CFAP299: variants seen among roughly 807,000 people sequenced by gnomAD.
CFAP299 encodes the protein cilia and flagella associated protein 299.
CFAP299 carries 21 observed loss-of-function variants against 27.0 expected under a neutral mutation model. That is an observed-to-expected ratio of 0.78 (90% CI 0.55 to 1.12). CFAP299 has a LOEUF of 1.12. Among genes scored for constraint, CFAP299 ranks in the 50% most tolerant of loss-of-function variants. CFAP299 has a pLI of 0.00. For synonymous variants in CFAP299, 104 were observed against 98.1 expected (o/e 1.06, Z -0.36); for missense variants, 310 against 276.6 (o/e 1.12, Z -0.86).
At chr4:80,703,348 T>G (rs901391399) in intron 3 of CFAP299, among the ~76,000 whole-genome samples, 1 of 151,740 alleles carries the variant, frequency 6.6e-6, no homozygotes, top group African/African-American at 2.4e-5. Flanking sequence ...CCCTAGATTA[T>G]CGAAATGACA....
intron 3 of CFAP299, among the ~76,000 whole-genome samples, chr4:80,824,641 T>G (rs927546843): frequency 6.6e-6 from 1 of 152,114 alleles, no homozygotes; most frequent in South Asian, 2.1e-4. Context: ...AGAAAGTCAC[T>G]GCACATGGTC....
rs190126587 is a variant in CFAP299 at position 80,862,827 on chromosome 4, G to A, written c.334-7166G>A. On this transcript the variant is annotated intron_variant, in intron 3 of 5. Transcript: ENST00000358105. ...TATATATATATGTAAAACTGCGATT[G>A]ACTGAGATAATATAGAATTTAAAAA... Among the ~76,000 whole-genome samples the A allele has an allele frequency of 3.8e-3, 585 of 152,178 alleles. 1 individual carries two copies. Among genetic ancestry groups the A allele is most frequent in the Middle Eastern group, 0.014 (4 of 294 alleles).
chr4:80,479,099 C>T (rs543729688), intron 2 of CFAP299, among the ~76,000 whole-genome samples: 27 of 151,942 alleles, frequency 1.8e-4, no homozygotes, highest in Admixed American at 6.6e-4. Flanking sequence ...TTTATTCTAG[C>T]AAAGTGAAAC....
chr4:80,507,567 A>G (rs546222269), intron 2 of CFAP299, among the ~76,000 whole-genome samples: 1 of 152,174 alleles, frequency 6.6e-6, no homozygotes, highest in African/African-American at 2.4e-5. Flanking sequence ...ATTGAAATCT[A>G]ATCTATCATC....
intron 3 of CFAP299, among the ~76,000 whole-genome samples, chr4:80,707,771 G>T (rs952779903): frequency 6.6e-6 from 1 of 152,026 alleles, no homozygotes; most frequent in African/African-American, 2.4e-5. Context: ...CAACTTCAAT[G>T]AGTGATTTAT....
intron 2 of CFAP299, among the ~76,000 whole-genome samples, chr4:80,581,932 G>A (rs1736196277): frequency 6.6e-6 from 1 of 151,826 alleles, no homozygotes; most frequent in African/African-American, 2.4e-5. Context: ...GTAAGAATGA[G>A]TTCTAAGACC....
At chr4:80,326,942 A>AT in the CFAP299 span, among the ~76,000 whole-genome samples, 1 of 152,032 alleles carries the variant, frequency 6.6e-6, no homozygotes, top group Non-Finnish European at 1.5e-5. Context: ...TAAAACTTGC[A>AT]TTTTTTTCAT....
intron 3 of CFAP299, among the ~76,000 whole-genome samples, chr4:80,725,527 C>T (rs1723107152): frequency 6.6e-6 from 1 of 152,138 alleles, no homozygotes; most frequent in South Asian, 2.1e-4. Context: ...AGGTGAATCT[C>T]ACCATGGGGG....
intron 3 of CFAP299, among the ~76,000 whole-genome samples, chr4:80,622,923 A>C (rs1033329825): frequency 6.6e-6 from 1 of 152,190 alleles, no homozygotes; most frequent in African/African-American, 2.4e-5. Flanking sequence ...GGAGGTTAGC[A>C]TTATATTTGT....
intron 5 of CFAP299, among the ~76,000 whole-genome samples, chr4:80,960,778 A>G (rs1052452113): frequency 2.6e-5 from 4 of 151,892 alleles, no homozygotes; most frequent in East Asian, 1.9e-4. Context: ...AGAATTGCCA[A>G]TCTTCCACAA....
intron 4 of CFAP299, among the ~76,000 whole-genome samples, chr4:80,941,227 A>T (rs1737179085): frequency 6.6e-6 from 1 of 152,200 alleles, no homozygotes; most frequent in Non-Finnish European, 1.5e-5. Context: ...ATTTTTTCCC[A>T]AATATTTTTA....
At chr4:80,888,484 A>G (rs946526501) in intron 4 of CFAP299, among the ~76,000 whole-genome samples, 1 of 152,092 alleles carries the variant, frequency 6.6e-6, no homozygotes, top group Non-Finnish European at 1.5e-5. Flanking sequence ...AGCAAATATT[A>G]TTAGAGGCAA....
the CFAP299 span, among the ~76,000 whole-genome samples, chr4:80,329,742 A>G: frequency 1.3e-5 from 2 of 152,028 alleles, no homozygotes; most frequent in African/African-American, 4.8e-5. Flanking sequence ...TATTATTACC[A>G]TGGCTGCAGA....
chr4:80,437,568 A>G (rs1728152970), intron 2 of CFAP299, among the ~76,000 whole-genome samples: 1 of 152,226 alleles, frequency 6.6e-6, no homozygotes. Context: ...TGGAAAGCCC[A>G]AAATTTTAAT....
At chr4:80,926,745 T>G (rs949448219) in intron 4 of CFAP299, among the ~76,000 whole-genome samples, 2 of 152,078 alleles carry the variant, frequency 1.3e-5, no homozygotes, top group African/African-American at 2.4e-5. Context: ...AATAATCAGT[T>G]GCAAAAGAAA....
intron 3 of CFAP299, among the ~76,000 whole-genome samples, chr4:80,869,612 C>G (rs1459318431): frequency 6.6e-6 from 1 of 152,104 alleles, no homozygotes; most frequent in African/African-American, 2.4e-5. Flanking sequence ...TTCCTGGGTT[C>G]GAGCGATTCC....
intron 2 of CFAP299, among the ~76,000 whole-genome samples, chr4:80,435,423 A>G (rs1183828591): frequency 1.3e-5 from 2 of 152,218 alleles, no homozygotes; most frequent in East Asian, 1.9e-4. Flanking sequence ...AACTAATCCA[A>G]AACAAATTGC....
chr4:80,493,317 G>A (rs1731240206), intron 2 of CFAP299, among the ~76,000 whole-genome samples: 1 of 152,176 alleles, frequency 6.6e-6, no homozygotes, highest in Non-Finnish European at 1.5e-5. Flanking sequence ...TTTGGACAAG[G>A]GAGAGGAAGG....
At chr4:80,643,680 C>T (rs1739840866) in intron 3 of CFAP299, among the ~76,000 whole-genome samples, 1 of 152,024 alleles carries the variant, frequency 6.6e-6, no homozygotes, top group Non-Finnish European at 1.5e-5. Context: ...TTTATGGGCC[C>T]AGATGCAGGG....
Sources: allele counts gnomAD v4.1 joint callset (sites outside exome capture counted in the v4.1 genomes callset), GRCh38; gene constraint gnomAD v4.1.1; transcripts MANE v1.5; gene names NCBI Gene and HGNC (gene_info 2026-07-23, HGNC 2026-07-21).